Variants in CFAP221 observed in about 807,000 individuals in gnomAD.
CFAP221 encodes cilia and flagella associated protein 221.
In CFAP221, 97 loss-of-function variants were observed where a neutral mutation model predicts 113.1. The observed-to-expected ratio is 0.86, with a 90% CI of 0.73 to 1.02. The LOEUF (loss-of-function observed/expected upper bound fraction) is 1.02. CFAP221 is among the 50% of genes least tolerant of loss of function. CFAP221 has a pLI of 0.00. For synonymous variants in CFAP221, 331 were observed against 354.4 expected (o/e 0.93, Z 0.74); for missense variants, 1,025 against 1,013.4 (o/e 1.01, Z -0.16).
At chr2:119,606,331 G>C (rs1684759862) in intron 11 of CFAP221, among the ~76,000 whole-genome samples, 1 of 151,912 alleles carries the variant, frequency 6.6e-6, no homozygotes. Flanking sequence ...AGAGACTCTT[G>C]GAGAGTGTCA....
chr2:119,629,701 G>T lies in CFAP221; in HGVS notation c.1651-174G>T, dbSNP rs576384582. ...ACATCCACTAGGAGACATGGAGGAG[G>T]GGGTGATCAGGGCTGCCTTCCTGCC... On this transcript the variant is annotated intron_variant, in intron 16 of 23. Transcript: ENST00000413369. Among the ~76,000 whole-genome samples the T allele has an allele frequency of 2.6e-5, 4 of 152,312 alleles. No homozygotes were observed. In the East Asian group the frequency reaches 7.7e-4, roughly 29 times the overall value.
rs527446574 is a variant in CFAP221 at position 119,620,948 on chromosome 2, G to C, written c.1411-4635G>C. 5.3e-5 allele frequency among the ~76,000 whole-genome samples: 8 copies of C among 151,768 alleles called. No homozygotes were observed. The East Asian group carries it at 1.4e-3, about 26-fold the overall frequency. ...AAAAAAAAAAAGCAGGGGTTGGCTG[G>C]GCATGGTGGCTCATGCCTGTAATCC... On this transcript the variant is annotated intron_variant, in intron 14 of 23. Transcript: ENST00000413369.
At chr2:119,608,099 T>C (rs1381176088) in intron 11 of CFAP221, among the ~76,000 whole-genome samples, 1 of 152,332 alleles carries the variant, frequency 6.6e-6, no homozygotes, top group East Asian at 1.9e-4. Flanking sequence ...TTTTCCATGG[T>C]GGCCAAACCA....
At chr2:119,629,830 T>G in intron 16 of CFAP221, 45 bp from the exon 17 acceptor site, 4 of 1,440,086 alleles carry the variant, frequency 2.8e-6, no homozygotes, top group Non-Finnish European at 3.9e-6. Context: ...TAGCCACTCT[T>G]GCTCAGTGGT....
intron 14 of CFAP221, among the ~76,000 whole-genome samples, chr2:119,625,325 A>G (rs1395465779): frequency 1.3e-5 from 2 of 152,194 alleles, no homozygotes; most frequent in Admixed American, 6.5e-5. Context: ...ATATGAGAAA[A>G]TCAAGGCTCA....
chr2:119,636,353 A>G (rs1687113765), intron 19 of CFAP221, among the ~76,000 whole-genome samples: 1 of 152,220 alleles, frequency 6.6e-6, no homozygotes, highest in Non-Finnish European at 1.5e-5. Flanking sequence ...AAGGTACAGA[A>G]AAGCAGAAGA....
chr2:119,560,046 T>G lies in CFAP221; in HGVS notation c.426+20T>G. On this transcript the variant is annotated intron_variant, in intron 5 of 23. Transcript: ENST00000413369. ...TGTAAGGTAGGTCTCTTAAAATTGC[T>G]TTTTTTTTTTTTTTTTTTTGATGGT... 2 of 133,066 alleles carry G rather than the reference T, an allele frequency of 1.5e-5. No homozygotes were observed. The highest frequency in any genetic ancestry group is 2.0e-5 in the Non-Finnish European group (2 of 98,102). 8.2% of individuals were successfully genotyped at this position (133,066 alleles called of 1,614,324 possible).
chr2:119,614,587 A>G (rs1205786751), intron 13 of CFAP221, among the ~76,000 whole-genome samples: 1 of 152,174 alleles, frequency 6.6e-6, no homozygotes. Context: ...AAAAACCATC[A>G]GATCTCTTGA....
intron 2 of CFAP221, among the ~76,000 whole-genome samples, chr2:119,546,722 A>G (rs911565998): frequency 6.6e-6 from 1 of 152,124 alleles, no homozygotes; most frequent in Non-Finnish European, 1.5e-5. Flanking sequence ...TCCACCCAGC[A>G]CCATCCCCAT....
chr2:119,632,736 A>C lies in CFAP221; in HGVS notation c.1974+1835A>C, dbSNP rs543597764. Among the ~76,000 whole-genome samples, 68 of 151,936 alleles carry C rather than the reference A, an allele frequency of 4.5e-4. No homozygotes were observed. In the South Asian group the frequency reaches 0.013, roughly 29 times the overall value. Reference sequence around the variant, plus strand: ...AAAAAAAAGATTGTCTATCTAGAAAATACAATGAAATCTACAAAAAAAACT... The same window carrying C: ...AAAAAAAAGATTGTCTATCTAGAAACTACAATGAAATCTACAAAAAAAACT... On this transcript the variant is annotated intron_variant, in intron 19 of 23. Transcript: ENST00000413369.
intron 14 of CFAP221, among the ~76,000 whole-genome samples, chr2:119,621,950 C>T (rs982515984): frequency 1.2e-4 from 18 of 151,896 alleles, no homozygotes; most frequent in African/African-American, 3.4e-4. Context: ...GAACTAAAAT[C>T]GACACCCTAA....
chr2:119,605,039 C>T (rs2104676064), intron 10 of CFAP221, 52 bp downstream of exon 10: 1 of 1,541,280 alleles, frequency 6.5e-7, no homozygotes, highest in Non-Finnish European at 9.0e-7. Context: ...ATGAAAGAGT[C>T]ATTGCTGGTC....
intron 22 of CFAP221, among the ~76,000 whole-genome samples, chr2:119,647,582 A>G (rs1339346403): frequency 6.6e-6 from 1 of 152,176 alleles, no homozygotes; most frequent in Non-Finnish European, 1.5e-5. Flanking sequence ...CTTCTCCATC[A>G]TGAGCACCAC....
intron 23 of CFAP221, 75 bp from the exon 24 acceptor site, chr2:119,656,287 A>G (rs1184028789): frequency 1.7e-6 from 2 of 1,154,894 alleles, no homozygotes; most frequent in Non-Finnish European, 2.6e-6. Flanking sequence ...CTTCACCAGC[A>G]CTGCTGGCGG....
chr2:119,577,104 C>T (rs1192316553), intron 6 of CFAP221, among the ~76,000 whole-genome samples: 1 of 152,198 alleles, frequency 6.6e-6, no homozygotes, highest in Non-Finnish European at 1.5e-5. Flanking sequence ...TCTCACATAT[C>T]TAGACTGAGA....
chr2:119,557,689 A>G (rs1472672514), intron 3 of CFAP221, among the ~76,000 whole-genome samples: 1 of 151,710 alleles, frequency 6.6e-6, no homozygotes, highest in Non-Finnish European at 1.5e-5. Context: ...CTGGGTTAGG[A>G]TCCTTCAGTG....
At chr2:119,589,099 G>T (rs1306400866) in intron 7 of CFAP221, among the ~76,000 whole-genome samples, 1 of 152,220 alleles carries the variant, frequency 6.6e-6, no homozygotes, top group Non-Finnish European at 1.5e-5. Flanking sequence ...TGTGGATGGT[G>T]TTGCAGATGT....
intron 8 of CFAP221, among the ~76,000 whole-genome samples, chr2:119,604,452 CA>C (rs372078139): frequency 2.0e-5 from 3 of 148,144 alleles, no homozygotes; most frequent in Admixed American, 6.7e-5. Flanking sequence ...GAATGTAAGG[CA>C]AAAAAAAACC....
intron 22 of CFAP221, 22 bp from the exon 23 acceptor site, chr2:119,651,952 T>C (rs1205206330): frequency 1.3e-6 from 2 of 1,577,322 alleles, no homozygotes; most frequent in African/African-American, 2.7e-5. Context: ...CAGTGCCCAC[T>C]AAACATCTTA....
Sources: allele counts gnomAD v4.1 joint callset (sites outside exome capture counted in the v4.1 genomes callset), GRCh38; gene constraint gnomAD v4.1.1; transcripts MANE v1.5; gene names NCBI Gene and HGNC (gene_info 2026-07-23, HGNC 2026-07-21).